KCNMA1: variants seen among roughly 807,000 people sequenced by gnomAD.
KCNMA1 encodes potassium calcium-activated channel subfamily M alpha 1.
Under a neutral mutation model 140.0 loss-of-function variants are expected in KCNMA1, and 29 were observed. The ratio of observed to expected loss-of-function variants is 0.21; its 90% CI spans 0.15 to 0.28. The LOEUF (loss-of-function observed/expected upper bound fraction) is 0.28, where lower values mean the gene tolerates loss of function less well. Among genes scored for constraint, KCNMA1 ranks in the 10% least tolerant of loss-of-function variants. The probability of loss-of-function intolerance (pLI) is 1.00; values close to 1 mark genes in which losing one functional copy is unlikely to be tolerated. For synonymous variants in KCNMA1, 612 were observed against 611.9 expected (o/e 1.00, Z 0.00); for missense variants, 880 against 1,602.2 (o/e 0.55, Z 7.70).
In KCNMA1 at chr10:77,307,795, C is replaced by T. The variant is rs185891959; in HGVS notation, c.541-56539G>A. Among the ~76,000 whole-genome samples, 1,138 of 152,262 alleles carry T rather than the reference C, an allele frequency of 7.5e-3. 15 individuals are homozygous for T. Among genetic ancestry groups the T allele is most frequent in the African/African-American group, 0.026 (1,066 of 41,554 alleles). ...CGATCTCCTGACCTCGTGATCCACC[C>T]TCCTCGGCCTCCCAAAGGGCTGGGA... On this transcript the variant is annotated intron_variant, in intron 2 of 27. Coordinates refer to ENST00000286628, the MANE Select transcript of KCNMA1 (RefSeq NM_001161352.2).
chr10:77,291,365 T>G (rs2073173012), intron 2 of KCNMA1, among the ~76,000 whole-genome samples: 1 of 151,862 alleles, frequency 6.6e-6, no homozygotes, highest in South Asian at 2.1e-4. Context: ...TCAACTCTCA[T>G]GCAAAACTCC....
rs1196785285 is a variant in KCNMA1, at chr10:77,120,702, G to C, written c.884+271C>G. Among the ~76,000 whole-genome samples the C allele has an allele frequency of 3.9e-5, 6 of 152,022 alleles. No individual in the cohort carries two copies. The East Asian group carries it at 7.7e-4, about 20-fold the overall frequency. On this transcript the variant is annotated intron_variant, in intron 6 of 27. Coordinates refer to ENST00000286628, the MANE Select transcript of KCNMA1 (RefSeq NM_001161352.2). ...GCTCTTATCTGGGCAACCCCACTGGGCACACAGATATCAGCTATGTGTCCC... is the reference window on the plus strand; with the variant it reads ...GCTCTTATCTGGGCAACCCCACTGGCCACACAGATATCAGCTATGTGTCCC...
chr10:77,248,233 T>C (rs1482685676), intron 3 of KCNMA1, among the ~76,000 whole-genome samples: 2 of 152,184 alleles, frequency 1.3e-5, no homozygotes, highest in African/African-American at 2.4e-5. Flanking sequence ...CCTCGAGACA[T>C]AGCTGGTCCA....
At chr10:77,191,158 G>A (rs577580022) in intron 3 of KCNMA1, among the ~76,000 whole-genome samples, 1 of 152,254 alleles carries the variant, frequency 6.6e-6, no homozygotes, top group Admixed American at 6.6e-5. Flanking sequence ...TGGAATAAAA[G>A]CATCTAGCCA....
At chr10:77,371,345 T>G (rs1174635256) in intron 2 of KCNMA1, among the ~76,000 whole-genome samples, 1 of 152,138 alleles carries the variant, frequency 6.6e-6, no homozygotes, top group Non-Finnish European at 1.5e-5. Flanking sequence ...CATCTTCCCC[T>G]GTGGCACCTG....
At chr10:77,187,299 TC>T (rs1418472643) in intron 3 of KCNMA1, among the ~76,000 whole-genome samples, 1 of 152,176 alleles carries the variant, frequency 6.6e-6, no homozygotes, top group Non-Finnish European at 1.5e-5. Context: ...TGCAGTGACT[TC>T]TCCACTGTTT....
intron 1 of KCNMA1, among the ~76,000 whole-genome samples, chr10:77,600,752 C>T (rs1192636052): frequency 6.6e-6 from 1 of 151,622 alleles, no homozygotes; most frequent in Non-Finnish European, 1.5e-5. Flanking sequence ...ATCTCAAACA[C>T]ACACACACAC....
intron 7 of KCNMA1, among the ~76,000 whole-genome samples, chr10:77,111,450 A>G (rs1173015112): frequency 2.0e-5 from 3 of 152,158 alleles, no homozygotes; most frequent in African/African-American, 7.2e-5. Flanking sequence ...AAAGACAACT[A>G]TCTCCTCCAC....
intron 19 of KCNMA1, among the ~76,000 whole-genome samples, chr10:76,991,319 G>A (rs1360863962): frequency 1.3e-5 from 2 of 152,232 alleles, no homozygotes; most frequent in African/African-American, 4.8e-5. Context: ...GGAAGCATTG[G>A]TGGATTTTTG....
intron 25 of KCNMA1, among the ~76,000 whole-genome samples, chr10:76,905,365 A>G (rs2047392308): frequency 6.6e-6 from 1 of 152,212 alleles, no homozygotes; most frequent in South Asian, 2.1e-4. Context: ...CGTATCCAGA[A>G]ACAGTGGCAT....
intron 20 of KCNMA1, among the ~76,000 whole-genome samples, chr10:76,964,717 A>G (rs1382289362): frequency 6.6e-6 from 1 of 152,160 alleles, no homozygotes; most frequent in Non-Finnish European, 1.5e-5. Flanking sequence ...CTGATGTGAG[A>G]AGTCCTAACA....
At chr10:77,473,502 CAGA>C (rs1464863295) in intron 1 of KCNMA1, among the ~76,000 whole-genome samples, 1 of 152,198 alleles carries the variant, frequency 6.6e-6, no homozygotes, top group Non-Finnish European at 1.5e-5. Flanking sequence ...AACCACCAGA[CAGA>C]AGATTTAGAG....
chr10:77,610,943 A>T (rs1325013952), intron 1 of KCNMA1, among the ~76,000 whole-genome samples: 1 of 152,258 alleles, frequency 6.6e-6, no homozygotes, highest in Non-Finnish European at 1.5e-5. Context: ...AAAGCTCTGG[A>T]GTCCAACTGT....
rs185463906 is a variant in KCNMA1 at position 77,222,818 on chromosome 10, G to A, written c.602+28377C>T. ...TATTATCTGAGACAGGCAGAGGATT[G>A]AAGCTGATTGCCATTCTCTACATAT... is the stretch of plus-strand genomic sequence containing the variant. On this transcript the variant is annotated intron_variant, in intron 3 of 27. Coordinates refer to ENST00000286628, the MANE Select transcript of KCNMA1 (RefSeq NM_001161352.2). Among the ~76,000 whole-genome samples the A allele has an allele frequency of 7.2e-5, 11 of 152,352 alleles. No homozygotes were observed. The East Asian group carries it at 2.1e-3, about 29-fold the overall frequency.
intron 3 of KCNMA1, among the ~76,000 whole-genome samples, chr10:77,234,071 C>A (rs779681548): frequency 6.6e-6 from 1 of 152,126 alleles, no homozygotes; most frequent in African/African-American, 2.4e-5. Context: ...ATTAATCCTA[C>A]TTTAAAATGA....
intron 19 of KCNMA1, among the ~76,000 whole-genome samples, chr10:76,986,064 C>A (rs924796440): frequency 1.3e-5 from 2 of 152,134 alleles, no homozygotes; most frequent in African/African-American, 4.8e-5. Flanking sequence ...GATTTGATCT[C>A]AAGCAAAACT....
intron 16 of KCNMA1, among the ~76,000 whole-genome samples, chr10:77,025,242 G>GTGTATA (rs1436772387): frequency 0.016 from 702 of 42,574 alleles, 8 homozygotes; most frequent in Middle Eastern, 0.048. Context: ...GGGTGTGTGT[G>GTGTATA]TATATATATA....
chr10:77,486,901 C>A (rs528912706), intron 1 of KCNMA1, among the ~76,000 whole-genome samples: 3 of 152,316 alleles, frequency 2.0e-5, no homozygotes, highest in African/African-American at 7.2e-5. Flanking sequence ...GGTTCAGAGG[C>A]CTTCTCCCTC....
At chr10:77,015,017 T>C (rs911189094) in intron 17 of KCNMA1, among the ~76,000 whole-genome samples, 3 of 152,178 alleles carry the variant, frequency 2.0e-5, no homozygotes, top group African/African-American at 7.2e-5. Context: ...TACCCCATTC[T>C]CCTGTTGCTT....
Sources: allele counts gnomAD v4.1 joint callset (sites outside exome capture counted in the v4.1 genomes callset), GRCh38; gene constraint gnomAD v4.1.1; transcripts MANE v1.5; gene names NCBI Gene and HGNC (gene_info 2026-07-23, HGNC 2026-07-21).